The following RAB5A variants were observed in gnomAD, a reference collection of about 807,000 sequenced individuals.
RAB5A encodes RAB5A, member RAS oncogene family, also known as ras-related protein Rab-5A.
Under a neutral mutation model 25.7 loss-of-function variants are expected in RAB5A, and 8 were observed. That is an observed-to-expected ratio of 0.31 (90% CI 0.18 to 0.56). RAB5A has a LOEUF of 0.56. Among genes scored for constraint, RAB5A ranks in the 20% least tolerant of loss-of-function variants. RAB5A has a pLI of 0.91. For missense variants in RAB5A, 192 were observed against 259.7 expected (o/e 0.74, Z 1.79); for synonymous variants, 98 against 89.8 (o/e 1.09, Z -0.52).
chr3:19,970,757 T>C (rs1696738214), intron 2 of RAB5A: 1 of 308,876 alleles, frequency 3.2e-6, no homozygotes, highest in African/African-American at 2.2e-5. Flanking sequence ...AGTATTGATG[T>C]AGTAGTTTTA....
At chr3:19,950,527 G>A (rs1470265593) in intron 1 of RAB5A, among the ~76,000 whole-genome samples, 2 of 152,068 alleles carry the variant, frequency 1.3e-5, no homozygotes, top group East Asian at 3.9e-4. Context: ...TATAAGGATT[G>A]TAATAATATC....
At chr3:19,980,412 G>A (rs1380145240) in intron 5 of RAB5A, among the ~76,000 whole-genome samples, 1 of 150,810 alleles carries the variant, frequency 6.6e-6, no homozygotes. Context: ...AAATGGAATT[G>A]TGGCCTTTCC....
rs1559488472 is a variant in RAB5A, at chr3:19,963,375, C to CA, written c.164-12226_164-12225insA. 2.7e-3 allele frequency among the ~76,000 whole-genome samples: 308 copies of CA among 115,442 alleles called. 17 individuals are homozygous for CA. Among genetic ancestry groups the CA allele is most frequent in the African/African-American group, 0.01 (299 of 28,618 alleles). The allele number at this position is 115,442 out of a possible 152,430, so 75.7% of individuals were successfully genotyped here. ...TATCTTAGAATTTCACCCCCCCCCC[C>CA]CCCGACTTATTTTCGTAAGATCAAT... On this transcript the variant is annotated intron_variant, in intron 2 of 5. Transcript: ENST00000273047.
intron 2 of RAB5A, among the ~76,000 whole-genome samples, chr3:19,965,865 T>C (rs1293273917): frequency 6.6e-6 from 1 of 151,876 alleles, no homozygotes; most frequent in African/African-American, 2.4e-5. Context: ...GCCCAGTAGC[T>C]GGGACTACAG....
intron 1 of RAB5A, 104 bp from the exon 2 acceptor site, chr3:19,950,702 C>A: frequency 2.0e-6 from 1 of 507,082 alleles, no homozygotes; most frequent in Non-Finnish European, 3.5e-6. Context: ...CATTGAAGGT[C>A]TAGTAGAGTT....
chr3:19,962,184 T>G (rs1295278629), intron 2 of RAB5A, among the ~76,000 whole-genome samples: 1 of 152,182 alleles, frequency 6.6e-6, no homozygotes, highest in Non-Finnish European at 1.5e-5. Flanking sequence ...TCTATTCTAG[T>G]CACAGGCCTG....
At chr3:19,970,779 G>C (rs1286617222) in intron 2 of RAB5A, 9 of 292,974 alleles carry the variant, frequency 3.1e-5, no homozygotes, top group Non-Finnish European at 5.5e-5. Flanking sequence ...CTTTTCAGTG[G>C]CAGAATTTGT....
At chr3:19,956,779 CA>C (rs1172023147) in intron 2 of RAB5A, among the ~76,000 whole-genome samples, 1 of 152,138 alleles carries the variant, frequency 6.6e-6, no homozygotes, top group Non-Finnish European at 1.5e-5. Context: ...ATAGCTATTA[CA>C]GTTACCATCA....
intron 2 of RAB5A, among the ~76,000 whole-genome samples, chr3:19,965,291 G>T (rs150110087): frequency 6.6e-6 from 1 of 152,178 alleles, no homozygotes; most frequent in Non-Finnish European, 1.5e-5. Context: ...GTGTGGTTGT[G>T]TGTGCCTATA....
Position 19,975,637 on chromosome 3 carries a change from C to T in RAB5A, c.200C>T (p.Thr67Ile). ...ACCCAAACTGTATGTCTTGATGACA[C>T]TACAGTAAAGTTTGAAATATGGGAT... ...FLTQTVCLDD[T>I]TVKFEIWDTA... Residue 67 changes from threonine (T) to isoleucine (I), a missense_variant, in exon 3 of 6, where the codon ACT becomes ATT. Thr to Ile is a moderately conservative substitution (Grantham distance 89). This residue lies in a region of RAB5A where 39 missense variants were observed against 91.6 expected (regional missense o/e 0.43). Transcript: ENST00000273047. The T allele has an allele frequency of 6.2e-7, 1 of 1,613,918 alleles. No homozygotes were observed. The highest frequency in any genetic ancestry group is 8.5e-7 in the Non-Finnish European group (1 of 1,179,914).
chr3:19,968,778 G>C (rs980238828), intron 2 of RAB5A, among the ~76,000 whole-genome samples: 3 of 151,910 alleles, frequency 2.0e-5, no homozygotes, highest in East Asian at 1.9e-4. Flanking sequence ...TCCAATTCTT[G>C]ATGATGGATT....
rs749099814 is a variant in RAB5A, at chr3:19,975,625, G to A, written c.188G>A (p.Cys63Tyr). 1 of 1,613,342 alleles carries A rather than the reference G, an allele frequency of 6.2e-7. No homozygotes were observed. The highest frequency in any genetic ancestry group is 1.3e-5 in the African/African-American group (1 of 74,846). ...GCTGCTTTTCTAACCCAAACTGTAT[G>A]TCTTGATGACACTACAGTAAAGTTT... ...IGAAFLTQTVCLDDTTVKFEI... is the reference protein window; with the variant it reads ...IGAAFLTQTVYLDDTTVKFEI... The change falls in exon 3 of 6, where the codon TGT becomes TAT. Residue 63 changes from cysteine to tyrosine, a missense_variant. Physicochemically the swap from Cys to Tyr is radical, Grantham distance 194. Transcript: ENST00000273047.
At chr3:19,983,667 G>A (rs1357664746) in intron 5 of RAB5A, 41 bp from the exon 6 acceptor site, 1 of 1,272,422 alleles carries the variant, frequency 7.9e-7, no homozygotes, top group Admixed American at 1.9e-5. Context: ...ATATTAATAT[G>A]AGTATTCAAA....
chr3:19,954,957 C>T (rs574540148), intron 2 of RAB5A, among the ~76,000 whole-genome samples: 1 of 152,282 alleles, frequency 6.6e-6, no homozygotes, highest in Non-Finnish European at 1.5e-5. Flanking sequence ...TTAAAGTTTG[C>T]ATGACATTTA....
chr3:19,948,927 C>T (rs921539510), intron 1 of RAB5A, among the ~76,000 whole-genome samples: 3 of 152,010 alleles, frequency 2.0e-5, no homozygotes, highest in African/African-American at 4.8e-5. Flanking sequence ...ATATGATGTT[C>T]TATTGATATT....
At position 19,976,030 on chromosome 3, in the gene RAB5A, G is replaced by T. The variant is rs773612316; in HGVS notation, c.316-17G>T. 19 of 1,603,092 alleles carry T rather than the reference G, an allele frequency of 1.2e-5. No individual in the cohort carries two copies. The highest frequency in any genetic ancestry group is 2.3e-5 in the South Asian group (2 of 88,134). The stretch of plus-strand genomic sequence containing the variant: ...TTTTTTGAGCCTGTGCTCAATGGCT[G>T]TTTCTTTGTTTAACAGGAGTCCTTT... On this transcript the variant is annotated splice_polypyrimidine_tract_variant and intron_variant, in intron 3 of 5. Transcript: ENST00000273047.
At chr3:19,971,524 A>C (rs1266794222) in intron 2 of RAB5A, among the ~76,000 whole-genome samples, 1 of 151,804 alleles carries the variant, frequency 6.6e-6, no homozygotes, top group Non-Finnish European at 1.5e-5. Context: ...CAGGCTGGAG[A>C]GCAATGGCAC....
intron 4 of RAB5A, among the ~76,000 whole-genome samples, chr3:19,977,850 A>G (rs1297281598): frequency 6.6e-6 from 1 of 152,234 alleles, no homozygotes; most frequent in African/African-American, 2.4e-5. Context: ...TATATTCAAG[A>G]TTATAATATT....
intron 2 of RAB5A, among the ~76,000 whole-genome samples, chr3:19,952,376 T>C (rs548123916): frequency 2.0e-5 from 3 of 152,220 alleles, no homozygotes; most frequent in Non-Finnish European, 4.4e-5. Flanking sequence ...AAGGTATTCA[T>C]GTATATATTT....
Sources: gnomAD v4.1 joint callset for allele counts (sites outside exome capture counted in the v4.1 genomes callset) on GRCh38, gnomAD v4.1.1 for gene constraint, gnomAD v4.1.1 regional missense constraint, MANE v1.5 for transcripts, NCBI Gene and HGNC (gene_info 2026-07-23, HGNC 2026-07-21) for gene names.